The following CES1 variants were observed in gnomAD, a reference collection of about 807,000 sequenced individuals.
CES1 encodes liver carboxylesterase 1.
A neutral mutation model predicts 53.0 loss-of-function variants in CES1; 50 were observed. The ratio of observed to expected loss-of-function variants is 0.94; its 90% confidence interval spans 0.75 to 1.19. The LOEUF is 1.19. Among genes scored for constraint, CES1 ranks in the 50% most tolerant of loss-of-function variants. The probability of loss-of-function intolerance (pLI) is 0.00; values close to 1 mark genes in which losing one functional copy is unlikely to be tolerated. For missense variants in CES1, 534 were observed against 538.0 expected, an observed-to-expected ratio of 0.99 and a Z score of 0.07; for synonymous variants, 202 against 210.1, an observed-to-expected ratio of 0.96 and a Z score of 0.33.
At chr16:55,831,061 G>A (rs1294291162) in intron 1 of CES1, among the ~76,000 whole-genome samples, 9 of 152,176 alleles carry the variant, frequency 5.9e-5, no homozygotes, top group Non-Finnish European at 1.2e-4. Flanking sequence ...AGGAAGCCTG[G>A]TGAGGGAGCA....
Position 55,817,082 on chromosome 16 carries a change from A to G in CES1, c.907-120T>C, listed in dbSNP as rs115639575. ...CATCACTCCGTGAATTCGTATATCT[A>G]TATGTGACCTGCGGTGCTCCATCTC... is the stretch of plus-strand genomic sequence containing the variant. On this transcript the variant is annotated intron_variant, in intron 7 of 13. Transcript: ENST00000360526. 6,969 of 1,068,558 alleles carry G rather than the reference A, an allele frequency of 6.5e-3. 211 individuals carry two copies. Among genetic ancestry groups the G allele is most frequent in the African/African-American group, 0.045 (2,845 of 63,054 alleles). The allele number at this position is 1,068,558 out of a possible 1,614,324, so 66.2% of individuals were successfully genotyped here. A position where few individuals can be genotyped will look rare whatever the true frequency, so the allele number is the denominator to read the frequency against.
chr16:55,819,970 C>G (rs753062504), intron 6 of CES1: 40 of 546,008 alleles, frequency 7.3e-5, no homozygotes, highest in Non-Finnish European at 1.2e-4. Flanking sequence ...TGTCTGCTTT[C>G]AAATCCTGGT....
Position 55,812,892 on chromosome 16 carries a change from TG to T in CES1, c.1086+10del. On this transcript the variant is annotated intron_variant, in intron 9 of 13. Transcript: ENST00000360526. ...TGGTTGAGTCCCTCCAACAGACATGTGCCTTCTCACCATTGGAATCAACCAG... is the reference window on the plus strand; with the variant it reads ...TGGTTGAGTCCCTCCAACAGACATGTCCTTCTCACCATTGGAATCAACCAG... The T allele has an allele frequency of 6.8e-6, 11 of 1,613,920 alleles. No homozygotes were observed. Among genetic ancestry groups the T allele is most frequent in the Non-Finnish European group, 8.5e-6 (10 of 1,180,002 alleles).
Position 55,817,046 on chromosome 16 carries a change from G to T in CES1, c.907-84C>A. ...GGTGAGTGGGGCAACAGAGGTGTCA[G>T]GTTCTTCCCGCATCACTCCGTGAAT... On this transcript the variant is annotated intron_variant, in intron 7 of 13. Transcript: ENST00000360526. The T allele has an allele frequency of 2.1e-6, 3 of 1,424,262 alleles. No individual in the cohort carries two copies. In the South Asian group the frequency reaches 3.4e-5, roughly 16 times the overall value. The allele number at this position is 1,424,262 out of a possible 1,614,324, so 88.2% of individuals were successfully genotyped here.
intron 1 of CES1, 98 bp from the exon 2 acceptor site, chr16:55,829,072 A>G (rs2032538484): frequency 7.6e-7 from 1 of 1,316,850 alleles, no homozygotes; most frequent in Non-Finnish European, 1.1e-6. Flanking sequence ...ACCTTAAATA[A>G]GTCACCTAAA....
At chr16:55,824,924 C>G (rs1428430893) in intron 3 of CES1, among the ~76,000 whole-genome samples, 1 of 152,190 alleles carries the variant, frequency 6.6e-6, no homozygotes, top group African/African-American at 2.4e-5. Flanking sequence ...TCCAGGTTCC[C>G]AGAGCCCTTG....
rs761113741 is a variant in CES1 at position 55,821,412 on chromosome 16, T to G, written c.649A>C (p.Thr217Pro). ...ASFGGNPGSV[T>P]IFGESAGGES... ...CCTCCCGCTGACTCTCCAAAGATGG[T>G]CACAGAGCCTGGGTTCCCTCCAAAG... The change falls in exon 5 of 14, where the codon ACC becomes CCC. Residue 217 changes from threonine (T) to proline (P), a missense_variant. Coordinates refer to ENST00000360526, the MANE Select transcript of CES1 (RefSeq NM_001025195.2). 2 of 1,614,184 alleles carry G rather than the reference T, an allele frequency of 1.2e-6. No individual in the cohort carries two copies. Among genetic ancestry groups the G allele is most frequent in the Non-Finnish European group, 1.7e-6 (2 of 1,180,048 alleles).
rs1555514149 is a variant in CES1 at position 55,830,803 on chromosome 16, A to AAGGAAGGAAGGG, written c.53-1830_53-1829insCCCTTCCTTCCT. Among the ~76,000 whole-genome samples, 578 of 145,482 alleles carry AAGGAAGGAAGGG rather than the reference A, an allele frequency of 4.0e-3. 9 individuals are homozygous for AAGGAAGGAAGGG. The highest frequency in any genetic ancestry group is 0.014 in the African/African-American group (530 of 38,216). ...GAAGGAAGGAAGGAAGGAAGGAAGG[A>AAGGAAGGAAGGG]AGGAAGGAAGGAAGGAAGGCAGGCA... is the stretch of plus-strand genomic sequence containing the variant. On this transcript the variant is annotated intron_variant, in intron 1 of 13. Coordinates refer to ENST00000360526, the MANE Select transcript of CES1 (RefSeq NM_001025195.2).
intron 9 of CES1, among the ~76,000 whole-genome samples, 185 bp downstream of exon 9, chr16:55,812,718 C>T (rs1271906172): frequency 1.3e-5 from 2 of 152,166 alleles, no homozygotes; most frequent in South Asian, 2.1e-4. Flanking sequence ...AATCCCAGGG[C>T]CCTGATACCC....
chr16:55,820,670 T>G (rs1212997271), intron 5 of CES1, among the ~76,000 whole-genome samples, 191 bp from the exon 6 acceptor site: 2 of 152,010 alleles, frequency 1.3e-5, no homozygotes, highest in Non-Finnish European at 2.9e-5. Flanking sequence ...TCATCTGGGT[T>G]TTCATCCCAG....
At chr16:55,825,650 A>G (rs1359269980) in intron 3 of CES1, among the ~76,000 whole-genome samples, 12 of 152,254 alleles carry the variant, frequency 7.9e-5, no homozygotes, top group African/African-American at 2.9e-4. Flanking sequence ...AAGGCCACAT[A>G]CAAGCTCAAT....
intron 8 of CES1, among the ~76,000 whole-genome samples, chr16:55,815,059 G>C (rs2031879013): frequency 6.6e-6 from 1 of 152,236 alleles, no homozygotes; most frequent in South Asian, 2.1e-4. Context: ...GGTATTGCCA[G>C]GTGAGGAAAG....
rs369026668 is a variant in CES1 at position 55,823,643 on chromosome 16, G to A, written c.446C>T (p.Ala149Val). Reference sequence around the variant, plus strand: ...GGCCAGCCCATCATAGGTTGATGCCGCACCCACCATCAGCCCCCCTCCGTG... The same window carrying A: ...GGCCAGCCCATCATAGGTTGATGCCACACCCACCATCAGCCCCCCTCCGTG... ...WIHGGGLMVG[A>V]ASTYDGLALA... is the part of the protein sequence containing the mutation. The change falls in exon 4 of 14, where the codon GCG (alanine) becomes GTG (valine). Residue 149 changes from alanine (A) to valine (V), a missense_variant. Transcript: ENST00000360526. 81 of 1,613,894 alleles carry A rather than the reference G, an allele frequency of 5.0e-5. No individual in the cohort carries two copies. Among genetic ancestry groups the A allele is most frequent in the South Asian group, 4.0e-4 (36 of 91,066 alleles).
chr16:55,819,947 T>A (rs1188611298), intron 6 of CES1: 2 of 555,652 alleles, frequency 3.6e-6, no homozygotes. Context: ...GAGCATGGAA[T>A]CCTGAATTTC....
intron 1 of CES1, among the ~76,000 whole-genome samples, chr16:55,830,072 C>T (rs2032578299): frequency 6.6e-6 from 1 of 152,210 alleles, no homozygotes; most frequent in Admixed American, 6.5e-5. Context: ...AGCTGCTCTG[C>T]TTTGGATACA....
At chr16:55,817,736 ATGTGTTTCTCTG>A (rs1347486554) in intron 7 of CES1, among the ~76,000 whole-genome samples, 2 of 147,886 alleles carry the variant, frequency 1.4e-5, no homozygotes, top group Non-Finnish European at 3.0e-5. Context: ...GTGTGTCTGT[ATGTGTTTCTCTG>A]TGTGTGTGTC....
intron 8 of CES1, among the ~76,000 whole-genome samples, chr16:55,816,522 A>C (rs1366133434): frequency 6.6e-6 from 1 of 152,128 alleles, no homozygotes; most frequent in African/African-American, 2.4e-5. Flanking sequence ...TGCTGGGAGG[A>C]GACGAGTGTC....
At chr16:55,822,353 G>A (rs1211963064) in intron 4 of CES1, among the ~76,000 whole-genome samples, 1 of 152,272 alleles carries the variant, frequency 6.6e-6, no homozygotes, top group African/African-American at 2.4e-5. Flanking sequence ...AGGAGCCAGG[G>A]AAGAGGTGCA....
chr16:55,829,414 CA>C (rs2032553237), intron 1 of CES1, among the ~76,000 whole-genome samples: 2 of 152,256 alleles, frequency 1.3e-5, no homozygotes, highest in African/African-American at 4.8e-5. Context: ...AGGAAGTGGC[CA>C]TGTCCTGGGA....
Sources: gnomAD v4.1 joint callset for allele counts (sites outside exome capture counted in the v4.1 genomes callset) on GRCh38, gnomAD v4.1.1 for gene constraint, MANE v1.5 for transcripts, NCBI Gene and HGNC (gene_info 2026-07-23, HGNC 2026-07-21) for gene names.